Variants in TSHZ2 observed in about 807,000 individuals in gnomAD.
The protein encoded by TSHZ2 is teashirt zinc finger homeobox 2, also known as teashirt homolog 2.
TSHZ2 carries 21 observed loss-of-function variants against 74.4 expected under a neutral mutation model. That is an observed-to-expected ratio of 0.28 (90% confidence interval 0.20 to 0.41). The LOEUF is 0.41. Among genes scored for constraint, TSHZ2 ranks in the 10% least tolerant of loss-of-function variants. The probability of loss-of-function intolerance (pLI) is 1.00; values close to 1 mark genes in which losing one functional copy is unlikely to be tolerated. For synonymous variants in TSHZ2, 540 were observed against 515.3 expected (o/e 1.05, Z -0.65); for missense variants, 1,244 against 1,293.5 (o/e 0.96, Z 0.59).
chr20:53,110,448 A>G (rs1293110984), intron 1 of TSHZ2, among the ~76,000 whole-genome samples: 1 of 152,096 alleles, frequency 6.6e-6, no homozygotes, highest in African/African-American at 2.4e-5. Flanking sequence ...TCCATCTGAG[A>G]GAGTGTTCAG....
chr20:53,335,316 A>AT (rs1296492755), intron 2 of TSHZ2, among the ~76,000 whole-genome samples: 1 of 152,228 alleles, frequency 6.6e-6, no homozygotes, highest in East Asian at 1.9e-4. Context: ...GATGGTCATC[A>AT]TGGAAGTGGT....
At position 53,028,529 on chromosome 20, in the gene TSHZ2, A is replaced by G. The variant is rs1000545506; in HGVS notation, c.40+55196A>G. 3.9e-5 allele frequency among the ~76,000 whole-genome samples: 6 copies of G among 152,352 alleles called. No individual in the cohort carries two copies. In the South Asian group the frequency reaches 1.2e-3, roughly 32 times the overall value. On this transcript the variant is annotated intron_variant, in intron 1 of 2. Transcript: ENST00000371497. Reference sequence around the variant, plus strand: ...CTGGAAATTGTGACTTCTAGACTGAAGATGAAAGATGGACTTTTTCTCTTT... The same window carrying G: ...CTGGAAATTGTGACTTCTAGACTGAGGATGAAAGATGGACTTTTTCTCTTT...
chr20:53,392,540 G>A (rs1982295066), intron 2 of TSHZ2, among the ~76,000 whole-genome samples: 1 of 152,204 alleles, frequency 6.6e-6, no homozygotes, highest in Admixed American at 6.5e-5. Flanking sequence ...GATAGAAATT[G>A]TGCCAACAGT....
At chr20:53,270,671 C>T (rs75017649) in intron 2 of TSHZ2, among the ~76,000 whole-genome samples, 5 of 138,106 alleles carry the variant, frequency 3.6e-5, no homozygotes, top group African/African-American at 1.2e-4. Flanking sequence ...GCCTCCCCCC[C>T]AAAAAAAGCT....
At chr20:52,986,637 G>A (rs1032809317) in intron 1 of TSHZ2, among the ~76,000 whole-genome samples, 3 of 151,552 alleles carry the variant, frequency 2.0e-5, no homozygotes, top group African/African-American at 7.3e-5. Context: ...GCTGAGCCAG[G>A]AGAATCGCTT....
chr20:53,465,528 T>C (rs747817066), intron 2 of TSHZ2, among the ~76,000 whole-genome samples: 3 of 152,010 alleles, frequency 2.0e-5, no homozygotes, highest in Non-Finnish European at 4.4e-5. Flanking sequence ...GCCTCGGCCT[T>C]CCAAATTGCT....
chr20:53,473,323 C>A (rs1200419094), intron 2 of TSHZ2, among the ~76,000 whole-genome samples: 1 of 143,320 alleles, frequency 7.0e-6, no homozygotes, highest in Non-Finnish European at 1.5e-5. Flanking sequence ...AACGGGCAGA[C>A]TGCCTCCTCA....
chr20:53,160,745 C>CAAAAAAAAAAAAAAAAAAAAAAAAA (rs10653039), intron 1 of TSHZ2, among the ~76,000 whole-genome samples: 3 of 95,832 alleles, frequency 3.1e-5, no homozygotes, highest in African/African-American at 1.3e-4. Context: ...ACTCTGTCTC[C>CAAAAAAAAAAAAAAAAAAAAAAAAA]AAAAAAAAAA....
intron 2 of TSHZ2, among the ~76,000 whole-genome samples, chr20:53,475,518 G>C (rs1431861588): frequency 9.2e-6 from 1 of 109,176 alleles, no homozygotes; most frequent in Non-Finnish European, 1.8e-5. Flanking sequence ...AGTGTGTAGA[G>C]GGAAATTTAT....
chr20:53,042,047 T>C (rs1984058099), intron 1 of TSHZ2, among the ~76,000 whole-genome samples: 1 of 151,054 alleles, frequency 6.6e-6, no homozygotes, highest in Admixed American at 6.6e-5. Context: ...ATTACCCAAA[T>C]GTGGGAAAAA....
chr20:53,089,341 T>TA lies in TSHZ2; in HGVS notation c.40+116009dup, dbSNP rs1555823609. 1.3e-4 allele frequency among the ~76,000 whole-genome samples: 17 copies of TA among 129,780 alleles called. 1 individual carries two copies. Among genetic ancestry groups the TA allele is most frequent in the Admixed American group, 1.6e-4 (2 of 12,470 alleles). The allele number at this position is 129,780 out of a possible 152,430, so 85.1% of individuals were successfully genotyped here. On this transcript the variant is annotated intron_variant, in intron 1 of 2. Transcript: ENST00000371497. ...TTTTCTTTTTTTTTTTTTTTTTTTT[T>TA]ATTAAACAGAGTTTTTCCAACTTCC... is the stretch of plus-strand genomic sequence containing the variant.
At chr20:53,420,140 G>A (rs1983416891) in intron 2 of TSHZ2, among the ~76,000 whole-genome samples, 1 of 152,182 alleles carries the variant, frequency 6.6e-6, no homozygotes, top group South Asian at 2.1e-4. Flanking sequence ...AGTCCAGAAA[G>A]TAAAATAGAT....
intron 2 of TSHZ2, among the ~76,000 whole-genome samples, chr20:53,426,918 G>A (rs1983676294): frequency 6.6e-6 from 1 of 152,152 alleles, no homozygotes; most frequent in Non-Finnish European, 1.5e-5. Flanking sequence ...ATTTATAAGA[G>A]CCCTGTGATA....
At chr20:53,458,994 A>G (rs1172553835) in intron 2 of TSHZ2, among the ~76,000 whole-genome samples, 1 of 152,122 alleles carries the variant, frequency 6.6e-6, no homozygotes, top group Non-Finnish European at 1.5e-5. Flanking sequence ...TATGTGGTCA[A>G]TTTTGGAATA....
chr20:53,433,027 T>A (rs911013267), intron 2 of TSHZ2, among the ~76,000 whole-genome samples: 1 of 152,008 alleles, frequency 6.6e-6, no homozygotes, highest in African/African-American at 2.4e-5. Flanking sequence ...ACATTCAAGG[T>A]AGGAAAAGGA....
intron 1 of TSHZ2, among the ~76,000 whole-genome samples, chr20:53,051,453 G>GCACACA (rs1343176322): frequency 0.095 from 9,771 of 102,732 alleles, 395 homozygotes; most frequent in Middle Eastern, 0.14. Flanking sequence ...ACTCTGTGGC[G>GCACACA]CACGCACACA....
chr20:53,001,200 A>ATGTG (rs1600639040), intron 1 of TSHZ2, among the ~76,000 whole-genome samples: 1 of 54,376 alleles, frequency 1.8e-5, no homozygotes, highest in Admixed American at 1.5e-4. Flanking sequence ...GTGTGCGTTC[A>ATGTG]TGTGCGTGTG....
intron 1 of TSHZ2, among the ~76,000 whole-genome samples, chr20:53,244,653 C>A (rs1021926336): frequency 1.3e-5 from 2 of 152,118 alleles, no homozygotes; most frequent in African/African-American, 4.8e-5. Flanking sequence ...TTCTTGGAGA[C>A]CTTCTGCTTT....
intron 2 of TSHZ2, among the ~76,000 whole-genome samples, chr20:53,388,927 G>T (rs1258365687): frequency 1.3e-5 from 2 of 152,154 alleles, no homozygotes; most frequent in Non-Finnish European, 2.9e-5. Flanking sequence ...GGTTTAAATT[G>T]TGTACCCACT....
Sources: allele counts gnomAD v4.1 joint callset (sites outside exome capture counted in the v4.1 genomes callset), GRCh38; gene constraint gnomAD v4.1.1; transcripts MANE v1.5; gene names NCBI Gene and HGNC (gene_info 2026-07-23, HGNC 2026-07-21).